The following ZSCAN30 variants were observed in gnomAD, a reference collection of about 807,000 sequenced individuals.
The protein encoded by ZSCAN30 is zinc finger and SCAN domain containing 30.
Under a neutral mutation model 44.3 loss-of-function variants are expected in ZSCAN30, and 37 were observed. The ratio of observed to expected loss-of-function variants is 0.84; its 90% CI spans 0.64 to 1.10. The LOEUF (loss-of-function observed/expected upper bound fraction) is 1.10. Ranked by LOEUF, ZSCAN30 falls within the 50% of genes least tolerant of loss-of-function variation. ZSCAN30 has a pLI of 0.00. For synonymous variants in ZSCAN30, 181 were observed against 204.6 expected (o/e 0.88, Z 0.98); for missense variants, 549 against 582.6 (o/e 0.94, Z 0.59).
intron 1 of ZSCAN30, among the ~76,000 whole-genome samples, chr18:35,289,100 C>T (rs1224072109): frequency 6.6e-6 from 1 of 152,092 alleles, no homozygotes; most frequent in Non-Finnish European, 1.5e-5. Context: ...CTCGGCCTCC[C>T]AAGTAGCTGG....
At chr18:35,284,667 G>A (rs1482628532) in intron 1 of ZSCAN30, 1 of 155,148 alleles carries the variant, frequency 6.4e-6, no homozygotes, top group Non-Finnish European at 1.5e-5. Context: ...ATACCTCCAA[G>A]CCTGCTGAGG....
At chr18:35,260,705 TG>T (rs1172870074) in intron 3 of ZSCAN30, 5 of 152,208 alleles carry the variant, frequency 3.3e-5, no homozygotes, top group African/African-American at 9.7e-5. Flanking sequence ...TTAATGGGGT[TG>T]TTTTTTTCTT....
At chr18:35,257,689 A>G (rs1012393710) in intron 3 of ZSCAN30, among the ~76,000 whole-genome samples, 1 of 152,188 alleles carries the variant, frequency 6.6e-6, no homozygotes, top group African/African-American at 2.4e-5. Flanking sequence ...TCCTAACTAT[A>G]CAGAGATGCC....
At chr18:35,255,462 G>A (rs2043772579) in intron 3 of ZSCAN30, among the ~76,000 whole-genome samples, 1 of 152,044 alleles carries the variant, frequency 6.6e-6, no homozygotes, top group African/African-American at 2.4e-5. Flanking sequence ...GGCCATAGAA[G>A]TAATAATTGC....
intron 1 of ZSCAN30, among the ~76,000 whole-genome samples, chr18:35,278,536 A>G (rs1469117182): frequency 6.6e-5 from 10 of 152,298 alleles, no homozygotes; most frequent in South Asian, 6.2e-4. Flanking sequence ...ATTCTGCTGA[A>G]ATAGTTAATT....
Position 35,254,320 on chromosome 18 carries a change from G to C in ZSCAN30, c.615C>G (p.Ala205=), listed in dbSNP as rs750156104. The change falls in exon 4 of 4, where the codon GCC becomes GCG. Residue 205 remains alanine (A), a synonymous_variant. Transcript: ENST00000333206. ...TTCCCGGCGATATCATAGCTGCTGA[G>C]GCTACACATTCAACAATTTCTTGCT... is the stretch of plus-strand genomic sequence containing the variant. ...MAKQEIVECV[A]SAAMISPGKL... 5.6e-6 allele frequency: 9 copies of C among 1,613,898 alleles called. No homozygotes were observed. The East Asian group carries it at 2.0e-4, about 36-fold the overall frequency.
At chr18:35,254,460 A>C in intron 3 of ZSCAN30, 79 bp from the exon 4 acceptor site, 22 of 1,604,608 alleles carry the variant, frequency 1.4e-5, no homozygotes, top group Non-Finnish European at 1.6e-5. Flanking sequence ...ACACAAACTC[A>C]ATGAAATAGG....
At chr18:35,261,176 A>C (rs1213360680) in intron 3 of ZSCAN30, 1 of 151,986 alleles carries the variant, frequency 6.6e-6, no homozygotes, top group South Asian at 2.1e-4. Flanking sequence ...GTGCAGTCTT[A>C]TTTCTCAGAT....
intron 1 of ZSCAN30, among the ~76,000 whole-genome samples, chr18:35,289,174 C>T (rs550130457): frequency 1.1e-4 from 16 of 152,098 alleles, no homozygotes; most frequent in Middle Eastern, 3.2e-3. Context: ...CAGGGTTTCA[C>T]CTTGTTGGCC....
Position 35,253,106 on chromosome 18 carries a change from C to G in ZSCAN30, c.*344G>C, listed in dbSNP as rs2043653927. ...ATCTTATAAGAAGCTCTTTCAGGAT[C>G]TCTGCCCCAATCCTGGCATTACTGT... On this transcript the variant is annotated 3_prime_UTR_variant, in exon 4 of 4. Coordinates refer to ENST00000333206, the MANE Select transcript of ZSCAN30 (RefSeq NM_001112734.4). 1.0e-5 allele frequency: 2 copies of G among 190,750 alleles called. No individual in the cohort carries two copies. Among genetic ancestry groups the G allele is most frequent in the Admixed American group, 1.1e-4 (2 of 18,150 alleles). 11.8% of individuals were successfully genotyped at this position (190,750 alleles called of 1,614,324 possible).
intron 1 of ZSCAN30, among the ~76,000 whole-genome samples, chr18:35,274,631 T>A (rs1326401189): frequency 6.6e-6 from 1 of 152,248 alleles, no homozygotes; most frequent in Non-Finnish European, 1.5e-5. Context: ...TGCCATTCAG[T>A]ACCCTCAGCT....
intron 1 of ZSCAN30, among the ~76,000 whole-genome samples, chr18:35,288,072 C>T (rs558534011): frequency 7.2e-5 from 11 of 151,770 alleles, no homozygotes; most frequent in Non-Finnish European, 1.2e-4. Context: ...AGGGTGTCAC[C>T]GCGTTGCCCA....
chr18:35,253,827 A>G lies in ZSCAN30; in HGVS notation c.1108T>C (p.Ser370Pro), dbSNP rs202142061. ...CECGKAFRGS[S>P]ELIRHRRIHT... The stretch of plus-strand genomic sequence containing the variant: ...ATTCTCCGATGCCTGATGAGCTCTG[A>G]ACTGCCCCTGAAGGCTTTTCCACAT... The change falls in exon 4 of 4, where the codon TCA (serine) becomes CCA (proline). Residue 370 changes from serine (S) to proline (P), a missense_variant. Physicochemically the swap from Ser to Pro is moderately conservative, Grantham distance 74 (BLOSUM62 -1). Transcript: ENST00000333206. 6.2e-7 allele frequency: 1 copy of G among 1,614,188 alleles called. No individual in the cohort carries two copies. Among genetic ancestry groups the G allele is most frequent in the African/African-American group, 1.3e-5 (1 of 75,050 alleles).
chr18:35,263,115 A>G lies in ZSCAN30; in HGVS notation c.553+398T>C, dbSNP rs769027085. The G allele has an allele frequency of 1.3e-4, 46 of 350,640 alleles. 1 individual carries two copies. Among genetic ancestry groups the G allele is most frequent in the Middle Eastern group, 9.9e-4 (1 of 1,006 alleles). The allele number at this position is 350,640 out of a possible 1,614,324, so 21.7% of individuals were successfully genotyped here. A position where few individuals can be genotyped will look rare whatever the true frequency, so the allele number is the denominator to read the frequency against. On this transcript the variant is annotated intron_variant, in intron 3 of 3. Coordinates refer to ENST00000333206, the MANE Select transcript of ZSCAN30 (RefSeq NM_001112734.4). ...ATTTAGCCAGGCATGGTGGTGTACA[A>G]CTGTAGTCCTAGCTACTCTGGAGGC...
At chr18:35,283,059 G>A (rs1285909587) in intron 1 of ZSCAN30, 1 of 152,048 alleles carries the variant, frequency 6.6e-6, no homozygotes, top group African/African-American at 2.4e-5. Context: ...GATAAAGAAG[G>A]TCATTTCATT....
intron 1 of ZSCAN30, chr18:35,269,515 C>CA (rs1569076284): frequency 6.7e-6 from 1 of 150,180 alleles, no homozygotes; most frequent in East Asian, 1.9e-4. Flanking sequence ...ATCTGCAGGG[C>CA]AGGTATGGGG....
At chr18:35,258,245 T>C (rs887734892) in intron 3 of ZSCAN30, 20 of 471,902 alleles carry the variant, frequency 4.2e-5, no homozygotes, top group Non-Finnish European at 6.9e-5. Flanking sequence ...TTCATGGCCA[T>C]GGGACCACGC....
chr18:35,282,133 A>C (rs2044466214), intron 1 of ZSCAN30: 1 of 152,216 alleles, frequency 6.6e-6, no homozygotes, highest in Non-Finnish European at 1.5e-5. Flanking sequence ...AAACTACTTG[A>C]AAATTTATGT....
chr18:35,284,288 C>A (rs1378969398), intron 1 of ZSCAN30: 2 of 152,610 alleles, frequency 1.3e-5, no homozygotes, highest in Non-Finnish European at 2.9e-5. Context: ...GAAAAAGCAC[C>A]ACCAGTTCCC....
Sources: gnomAD v4.1 joint callset for allele counts (sites outside exome capture counted in the v4.1 genomes callset) on GRCh38, gnomAD v4.1.1 for gene constraint, MANE v1.5 for transcripts, NCBI Gene and HGNC (gene_info 2026-07-23, HGNC 2026-07-21) for gene names.